PDE8B: variants seen among roughly 807,000 people sequenced by gnomAD.
PDE8B encodes high affinity cAMP-specific and IBMX-insensitive 3',5'-cyclic phosphodiesterase 8B.
A neutral mutation model predicts 101.3 loss-of-function variants in PDE8B; 26 were observed. The observed-to-expected ratio is 0.26, with a 90% CI of 0.19 to 0.36. PDE8B has a LOEUF of 0.36. Among genes scored for constraint, PDE8B ranks in the 10% least tolerant of loss-of-function variants. The probability of loss-of-function intolerance (pLI) is 1.00; values close to 1 mark genes in which losing one functional copy is unlikely to be tolerated. For synonymous variants in PDE8B, 424 were observed against 429.3 expected (o/e 0.99, Z 0.15); for missense variants, 810 against 1,163.1 (o/e 0.70, Z 4.42).
At chr5:77,221,018 G>A (rs987214455) in intron 1 of PDE8B, among the ~76,000 whole-genome samples, 8 of 152,158 alleles carry the variant, frequency 5.3e-5, no homozygotes, top group Admixed American at 2.0e-4. Context: ...GGGGTGTGTC[G>A]AGCTTCTTTG....
chr5:77,237,427 T>C (rs1203848871), intron 1 of PDE8B, among the ~76,000 whole-genome samples: 1 of 152,064 alleles, frequency 6.6e-6, no homozygotes, highest in East Asian at 1.9e-4. Context: ...GTGGTTGCTC[T>C]AGGGATTATC....
intron 5 of PDE8B, 38 bp from the exon 6 acceptor site, chr5:77,337,189 T>A: frequency 2.7e-6 from 3 of 1,108,064 alleles, no homozygotes; most frequent in Non-Finnish European, 4.1e-6. Flanking sequence ...AAGAAGTAAT[T>A]ATATATGTCT....
chr5:77,362,496 A>T (rs1423304215), intron 10 of PDE8B, among the ~76,000 whole-genome samples: 1 of 152,172 alleles, frequency 6.6e-6, no homozygotes, highest in African/African-American at 2.4e-5. Flanking sequence ...GCTTTATATC[A>T]GTAAAATGTA....
the PDE8B span, among the ~76,000 whole-genome samples, chr5:77,130,552 G>T: frequency 8.6e-5 from 13 of 151,952 alleles, no homozygotes; most frequent in African/African-American, 2.4e-4. Context: ...TATGAAATAG[G>T]CACTTCAGAT....
At chr5:77,372,481 G>A (rs1437045829) in intron 10 of PDE8B, among the ~76,000 whole-genome samples, 1 of 152,148 alleles carries the variant, frequency 6.6e-6, no homozygotes, top group Non-Finnish European at 1.5e-5. Context: ...TTCCGAACAA[G>A]TTTATATAAG....
intron 1 of PDE8B, among the ~76,000 whole-genome samples, chr5:77,261,059 C>T (rs537884730): frequency 1.4e-4 from 21 of 152,298 alleles, no homozygotes; most frequent in African/African-American, 5.1e-4. Flanking sequence ...TGCATAAAGT[C>T]TGCCTGAAAG....
the PDE8B span, among the ~76,000 whole-genome samples, chr5:77,185,860 G>T: frequency 6.6e-6 from 1 of 152,202 alleles, no homozygotes; most frequent in Non-Finnish European, 1.5e-5. Flanking sequence ...GAAGCCGAGT[G>T]GCTGTGGGTT....
the PDE8B span, among the ~76,000 whole-genome samples, chr5:77,157,201 A>T: frequency 6.6e-6 from 1 of 151,908 alleles, no homozygotes; most frequent in Non-Finnish European, 1.5e-5. Flanking sequence ...CATTAAATTC[A>T]CTCTATTTAA....
intron 1 of PDE8B, among the ~76,000 whole-genome samples, chr5:77,305,927 G>A (rs1369314816): frequency 6.6e-6 from 1 of 152,134 alleles, no homozygotes; most frequent in Non-Finnish European, 1.5e-5. Context: ...GTGTGTGTGC[G>A]AACACTCAGT....
chr5:77,352,645 A>AAG (rs138915750), intron 9 of PDE8B, among the ~76,000 whole-genome samples: 1 of 151,804 alleles, frequency 6.6e-6, no homozygotes, highest in Admixed American at 6.6e-5. Context: ...GAACCAGGTA[A>AAG]AGAGAGAGAG....
At chr5:77,091,498 C>T in the PDE8B span, among the ~76,000 whole-genome samples, 1,128 of 151,990 alleles carry the variant, frequency 7.4e-3, 10 homozygotes, top group African/African-American at 0.026. Context: ...AAAAATTAGC[C>T]GGGTGTGGTG....
In PDE8B at chr5:77,413,418, T is replaced by G. The variant is rs570351902; in HGVS notation, c.1911+109T>G. 16 of 904,730 alleles carry G rather than the reference T, an allele frequency of 1.8e-5. No homozygotes were observed. The East Asian group carries it at 4.2e-4, about 24-fold the overall frequency. The allele number at this position is 904,730 out of a possible 1,614,324, so 56.0% of individuals were successfully genotyped here. On this transcript the variant is annotated intron_variant, in intron 17 of 21. Transcript: ENST00000264917. ...GCTATTTTGCAACCAAGTTGACAGC[T>G]TTTTTAAAAAAAAATTTTGTTACCA...
intron 1 of PDE8B, among the ~76,000 whole-genome samples, chr5:77,241,545 A>G (rs1413947390): frequency 3.3e-5 from 5 of 152,204 alleles, no homozygotes; most frequent in Admixed American, 6.5e-5. Context: ...ATCCTGTCCT[A>G]TAAGCACTAT....
the PDE8B span, among the ~76,000 whole-genome samples, chr5:77,167,510 G>T: frequency 2.0e-5 from 3 of 152,176 alleles, no homozygotes. Flanking sequence ...CACCCTGGCC[G>T]ATGTGCACAG....
chr5:77,102,457 C>G, the PDE8B span, among the ~76,000 whole-genome samples: 2 of 152,080 alleles, frequency 1.3e-5, no homozygotes, highest in Non-Finnish European at 2.9e-5. Context: ...TTCAATAGTC[C>G]CTACCTCCTT....
At chr5:77,178,506 G>A in the PDE8B span, among the ~76,000 whole-genome samples, 1 of 152,180 alleles carries the variant, frequency 6.6e-6, no homozygotes. Context: ...GTGAAATAAT[G>A]ATAGATCATG....
rs568585253 is a variant in PDE8B, at chr5:77,338,287, G to A, written c.797+972G>A. Among the ~76,000 whole-genome samples, 271 of 152,222 alleles carry A rather than the reference G, an allele frequency of 1.8e-3. 2 individuals carry two copies. Among genetic ancestry groups the A allele is most frequent in the African/African-American group, 6.3e-3 (262 of 41,532 alleles). On this transcript the variant is annotated intron_variant, in intron 6 of 21. Coordinates refer to ENST00000264917, the MANE Select transcript of PDE8B (RefSeq NM_003719.5). ...TCCTTTTCAAACTTAATTATCCTCCGTCCCAGGGAGGCAAAATGAATCGAC... is the reference window on the plus strand; with the variant it reads ...TCCTTTTCAAACTTAATTATCCTCCATCCCAGGGAGGCAAAATGAATCGAC...
chr5:77,094,942 G>A, the PDE8B span, among the ~76,000 whole-genome samples: 2 of 152,102 alleles, frequency 1.3e-5, no homozygotes, highest in Non-Finnish European at 2.9e-5. Context: ...TGCCCCACCT[G>A]CAACATTGGG....
chr5:77,252,693 TATTTG>T (rs148551890), intron 1 of PDE8B, among the ~76,000 whole-genome samples: 290 of 152,340 alleles, frequency 1.9e-3, no homozygotes, highest in African/African-American at 6.8e-3. Context: ...GAACTATATT[TATTTG>T]ATTTGGAAAG....
Sources: gnomAD v4.1 joint callset for allele counts (sites outside exome capture counted in the v4.1 genomes callset) on GRCh38, gnomAD v4.1.1 for gene constraint, MANE v1.5 for transcripts, NCBI Gene and HGNC (gene_info 2026-07-23, HGNC 2026-07-21) for gene names.